Variants in ADCY2 observed in about 807,000 individuals in gnomAD.
ADCY2 encodes the protein adenylate cyclase type 2.
ADCY2 carries 31 observed loss-of-function variants against 125.2 expected under a neutral mutation model. The observed-to-expected ratio is 0.25, with a 90% CI of 0.19 to 0.33. The LOEUF is 0.33. Among genes scored for constraint, ADCY2 ranks in the 10% least tolerant of loss-of-function variants. ADCY2 has a pLI of 1.00. For missense variants in ADCY2, 904 were observed against 1,418.2 expected, an observed-to-expected ratio of 0.64 and a Z score of 5.82; for synonymous variants, 512 against 548.4, an observed-to-expected ratio of 0.93 and a Z score of 0.93.
At chr5:7,499,597 A>G (rs1743471698) in intron 2 of ADCY2, among the ~76,000 whole-genome samples, 1 of 149,364 alleles carries the variant, frequency 6.7e-6, no homozygotes, top group South Asian at 2.1e-4. Context: ...AAAGCAAATA[A>G]TACATACCTA....
intron 2 of ADCY2, among the ~76,000 whole-genome samples, chr5:7,513,412 T>C (rs1399838421): frequency 6.6e-6 from 1 of 152,172 alleles, no homozygotes; most frequent in Non-Finnish European, 1.5e-5. Flanking sequence ...ATGTTTATTG[T>C]TTTGCAGATT....
At chr5:7,577,474 G>A (rs112654615) in intron 3 of ADCY2, among the ~76,000 whole-genome samples, 1 of 152,104 alleles carries the variant, frequency 6.6e-6, no homozygotes, top group Admixed American at 6.5e-5. Context: ...ATTTTAAAAG[G>A]CAATGGTGTG....
intron 2 of ADCY2, among the ~76,000 whole-genome samples, chr5:7,485,996 A>T (rs544758530): frequency 5.9e-5 from 9 of 152,338 alleles, no homozygotes; most frequent in East Asian, 1.9e-4. Flanking sequence ...TAAAGTAATA[A>T]AATAGAATAA....
rs75662802 is a variant in ADCY2 at position 7,565,971 on chromosome 5, T to A, written c.570+45072T>A. Among the ~76,000 whole-genome samples the A allele has an allele frequency of 3.5e-3, 530 of 152,330 alleles. 3 individuals carry two copies. The highest frequency in any genetic ancestry group is 0.012 in the African/African-American group (496 of 41,588). The stretch of plus-strand genomic sequence containing the variant: ...TTTGAGAAAGCTCACTTAGCTTTTT[T>A]CCAAATGAAAGAAAAAGTATATCTA... On this transcript the variant is annotated intron_variant, in intron 3 of 24. Coordinates refer to ENST00000338316, the MANE Select transcript of ADCY2 (RefSeq NM_020546.3).
chr5:7,720,184 T>C (rs1345665944), intron 12 of ADCY2, among the ~76,000 whole-genome samples: 1 of 152,070 alleles, frequency 6.6e-6, no homozygotes, highest in Non-Finnish European at 1.5e-5. Flanking sequence ...TTCTCTCCCC[T>C]CCACTGATCT....
intron 4 of ADCY2, among the ~76,000 whole-genome samples, chr5:7,655,482 C>A (rs993912404): frequency 6.6e-6 from 1 of 152,172 alleles, no homozygotes; most frequent in Admixed American, 6.5e-5. Context: ...AAAAGACTGA[C>A]GTTCCAGCTG....
At chr5:7,657,828 C>G (rs1277775433) in intron 4 of ADCY2, among the ~76,000 whole-genome samples, 1 of 152,180 alleles carries the variant, frequency 6.6e-6, no homozygotes, top group African/African-American at 2.4e-5. Context: ...TCCCTCTCAG[C>G]TGAAACTTAG....
chr5:7,820,318 C>T (rs1188519921), intron 23 of ADCY2, among the ~76,000 whole-genome samples: 2 of 151,936 alleles, frequency 1.3e-5, no homozygotes, highest in African/African-American at 4.8e-5. Context: ...CATGGCAAAA[C>T]TCTGTCTCTA....
rs896723166 is a variant in ADCY2, at chr5:7,802,464, T to C, written c.2775+100T>C. ...GATAGTGGCCTATCCCAAAAAAACTTGTCCTTTGGCATAATTTCTGGCAGA... is the reference window on the plus strand; with the variant it reads ...GATAGTGGCCTATCCCAAAAAAACTCGTCCTTTGGCATAATTTCTGGCAGA... On this transcript the variant is annotated intron_variant, in intron 21 of 24. Transcript: ENST00000338316. The surrounding 1 kb of genome is among the most constrained non-coding windows in gnomAD (Gnocchi z 4.6). 2.6e-5 allele frequency: 35 copies of C among 1,370,148 alleles called. No homozygotes were observed. The highest frequency in any genetic ancestry group is 3.4e-5 in the Non-Finnish European group (35 of 1,019,178). 84.9% of individuals were successfully genotyped at this position (1,370,148 alleles called of 1,614,324 possible). A position where few individuals can be genotyped will look rare whatever the true frequency, so the allele number is the denominator to read the frequency against.
chr5:7,428,318 G>C (rs1740463368), intron 2 of ADCY2, among the ~76,000 whole-genome samples: 1 of 152,130 alleles, frequency 6.6e-6, no homozygotes, highest in African/African-American at 2.4e-5. Context: ...AGGAAACAAG[G>C]CATAATTTTT....
intron 21 of ADCY2, among the ~76,000 whole-genome samples, chr5:7,803,750 A>G (rs1219986418): frequency 6.6e-6 from 1 of 151,940 alleles, no homozygotes; most frequent in Non-Finnish European, 1.5e-5. Context: ...TAATTTTTAA[A>G]TTAGCTGCAC....
chr5:7,552,897 T>C (rs1735383476), intron 3 of ADCY2, among the ~76,000 whole-genome samples: 1 of 152,200 alleles, frequency 6.6e-6, no homozygotes, highest in South Asian at 2.1e-4. Context: ...GGGAGGACCT[T>C]CTATGGCCAC....
intron 2 of ADCY2, among the ~76,000 whole-genome samples, chr5:7,490,307 C>T (rs777923067): frequency 1.5e-4 from 23 of 151,968 alleles, no homozygotes; most frequent in Non-Finnish European, 2.8e-4. Flanking sequence ...TTAAATTGAA[C>T]TATTTTCAAA....
At chr5:7,786,580 A>G (rs1417456175) in intron 19 of ADCY2, among the ~76,000 whole-genome samples, 1 of 152,254 alleles carries the variant, frequency 6.6e-6, no homozygotes, top group Non-Finnish European at 1.5e-5. Flanking sequence ...ATGAAAACAT[A>G]ACACATCTCT....
intron 3 of ADCY2, among the ~76,000 whole-genome samples, chr5:7,607,533 G>C (rs529389105): frequency 4.1e-4 from 62 of 152,324 alleles, no homozygotes; most frequent in Admixed American, 2.0e-3. Flanking sequence ...CTGCACCCCT[G>C]AGGACCCATG....
chr5:7,804,797 G>T, intron 22 of ADCY2, 105 bp downstream of exon 22: 3 of 805,218 alleles, frequency 3.7e-6, no homozygotes, highest in East Asian at 2.6e-5. Context: ...TGTATATTTT[G>T]TACAACCTAA....
intron 2 of ADCY2, among the ~76,000 whole-genome samples, chr5:7,441,842 A>C (rs1741027305): frequency 6.6e-6 from 1 of 152,154 alleles, no homozygotes; most frequent in Non-Finnish European, 1.5e-5. Flanking sequence ...CTTAAGAGCA[A>C]AATTGGAGGC....
At chr5:7,576,824 G>A (rs1736268003) in intron 3 of ADCY2, among the ~76,000 whole-genome samples, 2 of 152,108 alleles carry the variant, frequency 1.3e-5, no homozygotes, top group Non-Finnish European at 2.9e-5. Context: ...AATGTATTCT[G>A]AGCACATCCC....
intron 2 of ADCY2, among the ~76,000 whole-genome samples, chr5:7,484,158 C>T (rs1742839544): frequency 6.6e-6 from 1 of 152,040 alleles, no homozygotes; most frequent in African/African-American, 2.4e-5. Context: ...TTATAATGTC[C>T]CAAGCTTTTA....
Sources: gnomAD v4.1 joint callset for allele counts (sites outside exome capture counted in the v4.1 genomes callset) on GRCh38, gnomAD v4.1.1 for gene constraint, Gnocchi (gnomAD v3.1) non-coding constraint, MANE v1.5 for transcripts, NCBI Gene and HGNC (gene_info 2026-07-23, HGNC 2026-07-21) for gene names.